Variants in SNTG1 observed in about 807,000 individuals in gnomAD.
SNTG1 encodes gamma-1-syntrophin.
SNTG1 carries 39 observed loss-of-function variants against 74.7 expected under a neutral mutation model. The ratio of observed to expected loss-of-function variants is 0.52; its 90% confidence interval spans 0.40 to 0.68. SNTG1 has a LOEUF of 0.68. Among genes scored for constraint, SNTG1 ranks in the 30% least tolerant of loss-of-function variants. The probability of loss-of-function intolerance (pLI) is 0.00; values close to 1 mark genes in which losing one functional copy is unlikely to be tolerated. For synonymous variants in SNTG1, 254 were observed against 217.1 expected, an observed-to-expected ratio of 1.17 and a Z score of -1.49; for missense variants, 685 against 609.5, an observed-to-expected ratio of 1.12 and a Z score of -1.30.
At chr8:50,571,479 AG>A (rs2094548871) in intron 12 of SNTG1, among the ~76,000 whole-genome samples, 1 of 152,234 alleles carries the variant, frequency 6.6e-6, no homozygotes, top group Non-Finnish European at 1.5e-5. Flanking sequence ...GTGATGGCAC[AG>A]GCCCCAGAGC....
intron 1 of SNTG1, among the ~76,000 whole-genome samples, chr8:50,023,614 C>A (rs1021202): frequency 6.6e-6 from 1 of 151,922 alleles, no homozygotes; most frequent in Non-Finnish European, 1.5e-5. Context: ...TAGTAGGCTG[C>A]TAAGGATGAT....
At chr8:50,376,756 T>TATATATATATAGAGAGAGAGAG (rs1381048539) in intron 2 of SNTG1, among the ~76,000 whole-genome samples, 25 of 89,956 alleles carry the variant, frequency 2.8e-4, no homozygotes, top group Non-Finnish European at 5.4e-4. Context: ...TATATATATA[T>TATATATATATAGAGAGAGAGAG]AGAGAGAGAG....
intron 8 of SNTG1, among the ~76,000 whole-genome samples, chr8:50,453,930 G>C (rs1428453697): frequency 6.6e-6 from 1 of 151,046 alleles, no homozygotes; most frequent in Non-Finnish European, 1.5e-5. Flanking sequence ...GGCACAGCAA[G>C]AGTGGCAAGA....
At chr8:49,937,022 G>A (rs1177591492) in intron 1 of SNTG1, among the ~76,000 whole-genome samples, 2 of 152,072 alleles carry the variant, frequency 1.3e-5, no homozygotes, top group Admixed American at 6.6e-5. Context: ...GGTGGCACTC[G>A]CCTGTAATTC....
intron 9 of SNTG1, among the ~76,000 whole-genome samples, chr8:50,529,627 A>G (rs937591240): frequency 6.6e-6 from 1 of 152,112 alleles, no homozygotes; most frequent in Non-Finnish European, 1.5e-5. Flanking sequence ...AAAAATAGAT[A>G]TTAGTAGGCA....
chr8:49,993,730 C>T (rs1041743334), intron 1 of SNTG1, among the ~76,000 whole-genome samples: 12 of 152,154 alleles, frequency 7.9e-5, no homozygotes, highest in Non-Finnish European at 1.2e-4. Context: ...TTGCAAAAGA[C>T]ATGAACTCAT....
intron 12 of SNTG1, among the ~76,000 whole-genome samples, chr8:50,554,293 G>A (rs932386831): frequency 6.6e-6 from 1 of 152,102 alleles, no homozygotes; most frequent in Non-Finnish European, 1.5e-5. Context: ...CATGGGATAT[G>A]TGCATGGTCA....
At chr8:50,296,025 T>C (rs537508874) in intron 2 of SNTG1, among the ~76,000 whole-genome samples, 25 of 152,300 alleles carry the variant, frequency 1.6e-4, no homozygotes, top group African/African-American at 5.5e-4. Flanking sequence ...TTAAAGTGTT[T>C]AGGAAGATTT....
intron 17 of SNTG1, among the ~76,000 whole-genome samples, chr8:50,735,836 G>C (rs891427587): frequency 6.6e-6 from 1 of 152,028 alleles, no homozygotes; most frequent in African/African-American, 2.4e-5. Flanking sequence ...AACCAAGGTT[G>C]AAATGAAGGA....
chr8:50,096,186 T>C (rs138105191), intron 1 of SNTG1, among the ~76,000 whole-genome samples: 9 of 152,326 alleles, frequency 5.9e-5, no homozygotes, highest in African/African-American at 2.2e-4. Context: ...TTTCCATCAA[T>C]GTCAATATCC....
At chr8:50,109,798 A>C (rs1201263236) in intron 1 of SNTG1, among the ~76,000 whole-genome samples, 1 of 152,168 alleles carries the variant, frequency 6.6e-6, no homozygotes, top group Non-Finnish European at 1.5e-5. Context: ...GATACTCTGA[A>C]AGGTGAGGCA....
intron 8 of SNTG1, among the ~76,000 whole-genome samples, chr8:50,488,226 T>C (rs909057215): frequency 6.6e-6 from 1 of 152,176 alleles, no homozygotes; most frequent in Non-Finnish European, 1.5e-5. Flanking sequence ...AATAGGTTTT[T>C]TTTAAGAAAT....
intron 2 of SNTG1, among the ~76,000 whole-genome samples, chr8:50,278,041 C>A (rs150595867): frequency 6.6e-6 from 1 of 152,012 alleles, no homozygotes; most frequent in Non-Finnish European, 1.5e-5. Flanking sequence ...TGCTTGGTGG[C>A]GTATGCCTGT....
At chr8:50,246,725 A>T (rs1157486573) in intron 2 of SNTG1, among the ~76,000 whole-genome samples, 2 of 152,056 alleles carry the variant, frequency 1.3e-5, no homozygotes, top group Admixed American at 1.3e-4. Context: ...TTCTCAAATC[A>T]CTCTCATGGT....
chr8:50,568,181 G>A (rs1444923811), intron 12 of SNTG1, among the ~76,000 whole-genome samples: 1 of 150,838 alleles, frequency 6.6e-6, no homozygotes, highest in Non-Finnish European at 1.5e-5. Context: ...GCAAATGTCA[G>A]GATTTCATTA....
chr8:50,198,378 A>G (rs1015058081), intron 2 of SNTG1, among the ~76,000 whole-genome samples: 1 of 152,124 alleles, frequency 6.6e-6, no homozygotes, highest in Non-Finnish European at 1.5e-5. Flanking sequence ...TGAGTTGCTG[A>G]TTATTTCTCT....
intron 8 of SNTG1, among the ~76,000 whole-genome samples, chr8:50,468,012 A>ATT (rs34202618): frequency 1.4e-3 from 208 of 150,752 alleles, no homozygotes; most frequent in Non-Finnish European, 2.0e-3. Flanking sequence ...TATAATAAAT[A>ATT]TTTTTTTTTC....
chr8:50,363,108 T>A (rs1206969305), intron 2 of SNTG1, among the ~76,000 whole-genome samples: 2 of 152,192 alleles, frequency 1.3e-5, no homozygotes, highest in African/African-American at 4.8e-5. Context: ...TGGTCTTTTT[T>A]TCAACCCCAG....
At chr8:49,967,190 A>G (rs1811220603) in intron 1 of SNTG1, among the ~76,000 whole-genome samples, 1 of 152,202 alleles carries the variant, frequency 6.6e-6, no homozygotes, top group Non-Finnish European at 1.5e-5. Context: ...ACAGATGTAC[A>G]GTATAGGTTA....
Sources: allele counts gnomAD v4.1 joint callset (sites outside exome capture counted in the v4.1 genomes callset), GRCh38; gene constraint gnomAD v4.1.1; transcripts MANE v1.5; gene names NCBI Gene and HGNC (gene_info 2026-07-23, HGNC 2026-07-21).